The following TIAM2 variants were observed in gnomAD, a reference collection of about 807,000 sequenced individuals.
The protein encoded by TIAM2 is TIAM Rac1 associated GEF 2.
A neutral mutation model predicts 152.9 loss-of-function variants in TIAM2; 80 were observed. The observed-to-expected ratio is 0.52, with a 90% CI of 0.44 to 0.63. The LOEUF (loss-of-function observed/expected upper bound fraction) is 0.63, where lower values mean the gene tolerates loss of function less well. Ranked by LOEUF, TIAM2 falls within the 30% of genes least tolerant of loss-of-function variation. TIAM2 has a pLI of 0.00. For synonymous variants in TIAM2, 804 were observed against 838.0 expected (o/e 0.96, Z 0.70); for missense variants, 1,965 against 2,120.1 (o/e 0.93, Z 1.44).
At chr6:155,021,783 A>G (rs1197915473) in intron 1 of TIAM2, among the ~76,000 whole-genome samples, 1 of 152,170 alleles carries the variant, frequency 6.6e-6, no homozygotes, top group Non-Finnish European at 1.5e-5. Context: ...TTACTGTCAA[A>G]GGTAGGACTG....
chr6:155,075,645 A>G (rs1777939822), intron 1 of TIAM2, among the ~76,000 whole-genome samples: 2 of 152,226 alleles, frequency 1.3e-5, no homozygotes, highest in Admixed American at 6.5e-5. Context: ...CATATACATA[A>G]TGAGATAGCC....
At chr6:155,006,679 C>G (rs529451635) in intron 1 of TIAM2, among the ~76,000 whole-genome samples, 76 of 143,306 alleles carry the variant, frequency 5.3e-4, no homozygotes, top group African/African-American at 1.8e-3. Flanking sequence ...CACCTCCCCC[C>G]ACCAAAAAAA....
intron 1 of TIAM2, among the ~76,000 whole-genome samples, chr6:155,022,764 C>T (rs1776523853): frequency 6.6e-6 from 1 of 152,152 alleles, no homozygotes; most frequent in African/African-American, 2.4e-5. Context: ...TTGACAAGTC[C>T]CTTGAGTTAT....
intron 1 of TIAM2, among the ~76,000 whole-genome samples, chr6:155,070,487 G>C (rs1415016992): frequency 6.6e-6 from 1 of 151,990 alleles, no homozygotes; most frequent in African/African-American, 2.4e-5. Flanking sequence ...AAAGGGCTGG[G>C]ATTACAGGCA....
chr6:155,245,746 C>T lies in TIAM2; in HGVS notation c.3652+15C>T. On this transcript the variant is annotated intron_variant, in intron 19 of 26. Transcript: ENST00000682666. ...TCTGGAGCGAGGTAAGTTGCTTATG[C>T]CTTTTATAGTTTTTTTTTTTTTTTG... The T allele has an allele frequency of 1.9e-6, 2 of 1,070,864 alleles. No homozygotes were observed. The highest frequency in any genetic ancestry group is 2.6e-6 in the Non-Finnish European group (2 of 768,570). 66.3% of individuals were successfully genotyped at this position (1,070,864 alleles called of 1,614,324 possible).
intron 4 of TIAM2, among the ~76,000 whole-genome samples, chr6:155,133,525 C>T (rs1779492463): frequency 6.6e-6 from 1 of 151,924 alleles, no homozygotes. Flanking sequence ...TAACTGTAGT[C>T]ACCATAATTT....
At chr6:155,239,888 C>G (rs1218912264) in intron 15 of TIAM2, among the ~76,000 whole-genome samples, 1 of 151,858 alleles carries the variant, frequency 6.6e-6, no homozygotes, top group African/African-American at 2.4e-5. Context: ...CTCTGCACCC[C>G]TTTAGGGTGA....
In TIAM2 at chr6:155,254,470, GGA is replaced by G; in HGVS notation, c.4368_4369del (p.Asn1457LeufsTer8). On this transcript the variant is annotated frameshift_variant, in exon 26 of 27. Transcript: ENST00000682666. LOFTEE classifies it high-confidence loss of function. ...TTAAGGTGATTCGTTCTATTCTGAG[GGA>G]GAACTTCAGGCGTCACATAAAGTGT... ...IVKVIRSILRENFRRHIKCEL... is the reference protein window; with the variant it reads ...IVKVIRSILRXNFRRHIKCEL... 6.2e-7 allele frequency: 1 copy of G among 1,614,134 alleles called. No homozygotes were observed. The highest frequency in any genetic ancestry group is 8.5e-7 in the Non-Finnish European group (1 of 1,180,006).
intron 1 of TIAM2, among the ~76,000 whole-genome samples, chr6:155,007,764 A>G (rs1048003740): frequency 6.6e-6 from 1 of 152,130 alleles, no homozygotes; most frequent in Non-Finnish European, 1.5e-5. Flanking sequence ...AAATCTGGGG[A>G]TGTCACTAAG....
At chr6:155,026,696 C>T (rs1160261437) in intron 1 of TIAM2, among the ~76,000 whole-genome samples, 1 of 152,228 alleles carries the variant, frequency 6.6e-6, no homozygotes, top group African/African-American at 2.4e-5. Context: ...AGCTGGTGCT[C>T]ACCTCTCCCA....
At chr6:155,005,930 G>A (rs1395452150) in intron 1 of TIAM2, among the ~76,000 whole-genome samples, 2 of 152,226 alleles carry the variant, frequency 1.3e-5, no homozygotes, top group Non-Finnish European at 2.9e-5. Flanking sequence ...CATCACAGGC[G>A]TGAGCCACTG....
chr6:155,215,729 T>G (rs1204766191), intron 15 of TIAM2, among the ~76,000 whole-genome samples: 2 of 46,166 alleles, frequency 4.3e-5, no homozygotes, highest in African/African-American at 1.4e-4. Context: ...AATTTTAAAT[T>G]TTTTTTTTTT....
intron 14 of TIAM2, among the ~76,000 whole-genome samples, chr6:155,188,356 A>T (rs774399032): frequency 6.6e-6 from 1 of 152,202 alleles, no homozygotes; most frequent in Non-Finnish European, 1.5e-5. Flanking sequence ...AGCGGAAGAG[A>T]CAGGAATATA....
At chr6:155,030,427 G>A (rs1038098913) in intron 1 of TIAM2, among the ~76,000 whole-genome samples, 1 of 152,114 alleles carries the variant, frequency 6.6e-6, no homozygotes, top group Non-Finnish European at 1.5e-5. Context: ...ATGATCTCCC[G>A]AAGAGATTAA....
chr6:155,202,059 T>A (rs753684557), intron 14 of TIAM2, among the ~76,000 whole-genome samples: 2 of 152,184 alleles, frequency 1.3e-5, no homozygotes, highest in Non-Finnish European at 2.9e-5. Flanking sequence ...AAGTCCCAGA[T>A]ATGGTCAGAA....
chr6:155,193,521 C>A (rs1781260732), intron 14 of TIAM2, among the ~76,000 whole-genome samples: 1 of 152,186 alleles, frequency 6.6e-6, no homozygotes, highest in Admixed American at 6.5e-5. Flanking sequence ...TCTACCAATA[C>A]CGTCAGGCTC....
At chr6:155,104,730 C>G (rs1017308054) in intron 2 of TIAM2, among the ~76,000 whole-genome samples, 2 of 145,190 alleles carry the variant, frequency 1.4e-5, no homozygotes, top group Non-Finnish European at 3.0e-5. Context: ...GCACTCCAGC[C>G]TGGGCAACAG....
Position 155,214,875 on chromosome 6 carries a change from A to G in TIAM2, c.3168+3568A>G, listed in dbSNP as rs1326234388. Among the ~76,000 whole-genome samples, 1 of 152,164 alleles carries G rather than the reference A, an allele frequency of 6.6e-6. No homozygotes were observed. Among genetic ancestry groups the G allele is most frequent in the Admixed American group, 6.5e-5 (1 of 15,278 alleles). ...AGGCTGGTCTCAAACTCCTGGGCTCAAGAGATCCTACTGCCCCGGCCTCCT... is the reference window on the plus strand; with the variant it reads ...AGGCTGGTCTCAAACTCCTGGGCTCGAGAGATCCTACTGCCCCGGCCTCCT... On this transcript the variant is annotated intron_variant, in intron 15 of 26. Coordinates refer to ENST00000682666, the MANE Select transcript of TIAM2 (RefSeq NM_012454.4). This position sits in a 1 kb window ranked among gnomAD's most constrained non-coding sequence, Gnocchi z 5.4.
chr6:155,247,898 G>T, intron 19 of TIAM2, 102 bp from the exon 20 acceptor site: 1 of 1,393,714 alleles, frequency 7.2e-7, no homozygotes, highest in African/African-American at 1.4e-5. Flanking sequence ...ATGGCATTAG[G>T]AGGACTATAG....
Sources: gnomAD v4.1 joint callset for allele counts (sites outside exome capture counted in the v4.1 genomes callset) on GRCh38, gnomAD v4.1.1 for gene constraint, Gnocchi (gnomAD v3.1) non-coding constraint, MANE v1.5 for transcripts, NCBI Gene and HGNC (gene_info 2026-07-23, HGNC 2026-07-21) for gene names.